Variants in PLCB1 observed in about 807,000 individuals in gnomAD.
PLCB1 encodes the protein phospholipase C beta 1.
PLCB1 carries 46 observed loss-of-function variants against 161.8 expected under a neutral mutation model. The observed-to-expected ratio is 0.28, with a 90% CI of 0.22 to 0.36. PLCB1 has a LOEUF of 0.36. Among genes scored for constraint, PLCB1 ranks in the 10% least tolerant of loss-of-function variants. The pLI is 1.00. For synonymous variants in PLCB1, 517 were observed against 503.7 expected (o/e 1.03, Z -0.35); for missense variants, 1,016 against 1,472.5 (o/e 0.69, Z 5.07).
chr20:8,312,757 A>G (rs935236723), intron 2 of PLCB1, among the ~76,000 whole-genome samples: 1 of 152,182 alleles, frequency 6.6e-6, no homozygotes, highest in Non-Finnish European at 1.5e-5. Context: ...GAAGTAATAT[A>G]AACTCTGACC....
At chr20:8,683,796 T>C (rs540016529) in intron 9 of PLCB1, among the ~76,000 whole-genome samples, 1 of 152,338 alleles carries the variant, frequency 6.6e-6, no homozygotes, top group African/African-American at 2.4e-5. Flanking sequence ...AGATCTTTTT[T>C]CATGAGCATT....
intron 2 of PLCB1, among the ~76,000 whole-genome samples, chr20:8,153,855 G>C (rs1360314326): frequency 1.3e-5 from 2 of 152,026 alleles, no homozygotes; most frequent in Non-Finnish European, 2.9e-5. Context: ...AAGAACACAC[G>C]GTTTGCATGA....
chr20:8,473,480 C>G (rs754907618), intron 3 of PLCB1, among the ~76,000 whole-genome samples: 1 of 152,168 alleles, frequency 6.6e-6, no homozygotes, highest in Non-Finnish European at 1.5e-5. Flanking sequence ...ATAACTGACT[C>G]TTTATATCTC....
intron 2 of PLCB1, among the ~76,000 whole-genome samples, chr20:8,152,488 A>AT (rs2051519485): frequency 6.6e-6 from 1 of 152,016 alleles, no homozygotes. Flanking sequence ...TTTAGTGGGG[A>AT]TTTTTTTGCA....
intron 10 of PLCB1, among the ~76,000 whole-genome samples, chr20:8,693,739 T>G (rs1470022037): frequency 6.6e-6 from 1 of 152,196 alleles, no homozygotes; most frequent in African/African-American, 2.4e-5. Context: ...AATGGAGGAA[T>G]TGCTATTTTT....
chr20:8,132,936 TG>T lies in PLCB1; in HGVS notation c.99+187del, dbSNP rs1478897161. 6.6e-6 allele frequency among the ~76,000 whole-genome samples: 1 copy of T among 152,148 alleles called. No individual in the cohort carries two copies. The highest frequency in any genetic ancestry group is 1.9e-4 in the East Asian group (1 of 5,154). Reference sequence around the variant, plus strand: ...AGGGCAGAAGCTTTGCGCGCGCTCCTGTTTCATCGGGCTTCAGTAGTTGCCA... The same window carrying T: ...AGGGCAGAAGCTTTGCGCGCGCTCCTTTTCATCGGGCTTCAGTAGTTGCCA... On this transcript the variant is annotated intron_variant, in intron 1 of 31. Transcript: ENST00000338037. This position sits in a 1 kb window ranked among gnomAD's most constrained non-coding sequence, Gnocchi z 5.2.
intron 2 of PLCB1, among the ~76,000 whole-genome samples, chr20:8,264,608 G>C (rs950158708): frequency 3.9e-5 from 6 of 152,100 alleles, no homozygotes; most frequent in African/African-American, 1.4e-4. Context: ...CGTTATGGCA[G>C]CCATGACATC....
In PLCB1 at chr20:8,402,584, C is replaced by T. The variant is rs1978601790; in HGVS notation, c.246+31134C>T. Among the ~76,000 whole-genome samples the T allele has an allele frequency of 2.6e-5, 4 of 151,314 alleles. No homozygotes were observed. The South Asian group carries it at 8.3e-4, about 32-fold the overall frequency. ...GCGTGGTGGCTCATGTCTGTAATCCCAGCACTTTGGGAGGCCGAGGCAGGC... is the reference window on the plus strand; with the variant it reads ...GCGTGGTGGCTCATGTCTGTAATCCTAGCACTTTGGGAGGCCGAGGCAGGC... On this transcript the variant is annotated intron_variant, in intron 3 of 31. Coordinates refer to ENST00000338037, the MANE Select transcript of PLCB1 (RefSeq NM_015192.4).
intron 2 of PLCB1, among the ~76,000 whole-genome samples, chr20:8,345,259 T>C (rs556060138): frequency 6.6e-6 from 1 of 152,242 alleles, no homozygotes; most frequent in South Asian, 2.1e-4. Context: ...GGGTTCCTTT[T>C]ACTGTTTATT....
intron 2 of PLCB1, among the ~76,000 whole-genome samples, chr20:8,303,550 T>C (rs1179941624): frequency 6.6e-6 from 1 of 152,186 alleles, no homozygotes; most frequent in Non-Finnish European, 1.5e-5. Flanking sequence ...ACTTCTTTAA[T>C]AAAAGGATTA....
chr20:8,751,230 C>T (rs1981462969), intron 23 of PLCB1: 1 of 190,638 alleles, frequency 5.2e-6, no homozygotes, highest in African/African-American at 2.4e-5. Context: ...AGGCATGAGC[C>T]ACCGCGCCCG....
intron 3 of PLCB1, among the ~76,000 whole-genome samples, chr20:8,555,085 G>A (rs750711467): frequency 2.0e-5 from 3 of 152,000 alleles, no homozygotes; most frequent in Non-Finnish European, 4.4e-5. Flanking sequence ...GCATTTGCTT[G>A]GTTGCCTTAA....
chr20:8,580,396 T>G (rs1329985769), intron 3 of PLCB1, among the ~76,000 whole-genome samples: 2 of 152,224 alleles, frequency 1.3e-5, no homozygotes, highest in Non-Finnish European at 2.9e-5. Context: ...TCTCAAAATA[T>G]TTTTAAAGGA....
chr20:8,747,290 A>G (rs913884983), intron 23 of PLCB1, among the ~76,000 whole-genome samples: 6 of 152,232 alleles, frequency 3.9e-5, no homozygotes, highest in African/African-American at 1.4e-4. Context: ...GCCAAAATAC[A>G]TATCCCTCAA....
At chr20:8,335,581 G>C (rs1985541178) in intron 2 of PLCB1, among the ~76,000 whole-genome samples, 1 of 152,164 alleles carries the variant, frequency 6.6e-6, no homozygotes, top group African/African-American at 2.4e-5. Flanking sequence ...TACATGAGTA[G>C]ATCTGGTCCC....
intron 3 of PLCB1, among the ~76,000 whole-genome samples, chr20:8,443,761 C>T (rs1980675058): frequency 6.6e-6 from 1 of 152,144 alleles, no homozygotes; most frequent in African/African-American, 2.4e-5. Context: ...CTGAATATCT[C>T]CCTAACTACA....
chr20:8,530,694 A>G lies in PLCB1; in HGVS notation c.247-97600A>G, dbSNP rs147104302. On this transcript the variant is annotated intron_variant, in intron 3 of 31. Coordinates refer to ENST00000338037, the MANE Select transcript of PLCB1 (RefSeq NM_015192.4). ...AAATAGTACATTGCACTTTTCAACT[A>G]TTATATGTCTTTACTGTTGGCCTAC... is the stretch of plus-strand genomic sequence containing the variant. Among the ~76,000 whole-genome samples, 755 of 152,182 alleles carry G rather than the reference A, an allele frequency of 5.0e-3. 4 individuals carry two copies. Among genetic ancestry groups the G allele is most frequent in the Middle Eastern group, 0.014 (4 of 294 alleles).
intron 3 of PLCB1, among the ~76,000 whole-genome samples, chr20:8,523,409 T>C (rs1266338817): frequency 6.9e-6 from 1 of 145,770 alleles, no homozygotes; most frequent in Non-Finnish European, 1.5e-5. Context: ...TGTGTGTGTG[T>C]GTGTGTGTGT....
At chr20:8,138,755 A>G (rs1308147232) in intron 1 of PLCB1, among the ~76,000 whole-genome samples, 1 of 152,210 alleles carries the variant, frequency 6.6e-6, no homozygotes, top group Non-Finnish European at 1.5e-5. Context: ...ACTAATTGGA[A>G]TAGATTATAA....
Sources: gnomAD v4.1 joint callset for allele counts (sites outside exome capture counted in the v4.1 genomes callset) on GRCh38, gnomAD v4.1.1 for gene constraint, Gnocchi (gnomAD v3.1) non-coding constraint, MANE v1.5 for transcripts, NCBI Gene and HGNC (gene_info 2026-07-23, HGNC 2026-07-21) for gene names.